Variants in SEMA3C observed in about 807,000 individuals in gnomAD.
SEMA3C encodes semaphorin-3C.
In SEMA3C, 47 loss-of-function variants were observed where a neutral mutation model predicts 89.4. The ratio of observed to expected loss-of-function variants is 0.53; its 90% confidence interval spans 0.42 to 0.67. SEMA3C has a LOEUF of 0.67. Ranked by LOEUF, SEMA3C falls within the 30% of genes least tolerant of loss-of-function variation. The probability of loss-of-function intolerance (pLI) is 0.00; values close to 1 mark genes in which losing one functional copy is unlikely to be tolerated. For missense variants in SEMA3C, 839 were observed against 929.1 expected, an observed-to-expected ratio of 0.90 and a Z score of 1.26; for synonymous variants, 310 against 320.2, an observed-to-expected ratio of 0.97 and a Z score of 0.34.
intron 2 of SEMA3C, among the ~76,000 whole-genome samples, chr7:80,903,705 T>C (rs894648157): frequency 2.0e-5 from 3 of 152,176 alleles, no homozygotes; most frequent in Non-Finnish European, 4.4e-5. Context: ...ATAATACATG[T>C]GGTCCTTCTC....
At chr7:80,889,879 G>A (rs566357339) in intron 2 of SEMA3C, among the ~76,000 whole-genome samples, 2 of 152,224 alleles carry the variant, frequency 1.3e-5, no homozygotes, top group South Asian at 2.1e-4. Flanking sequence ...AGATGTGGGC[G>A]ATCAATCATT....
intron 14 of SEMA3C, among the ~76,000 whole-genome samples, chr7:80,759,269 T>A (rs1185595433): frequency 6.6e-6 from 1 of 152,170 alleles, no homozygotes; most frequent in African/African-American, 2.4e-5. Flanking sequence ...CTGATATAAC[T>A]CAAGTTAGCA....
chr7:80,835,602 A>T (rs1042497615), intron 2 of SEMA3C, among the ~76,000 whole-genome samples: 2 of 152,170 alleles, frequency 1.3e-5, no homozygotes, highest in Non-Finnish European at 2.9e-5. Flanking sequence ...AAAAAAAAAT[A>T]AAGAGCAGTG....
chr7:80,756,840 G>A (rs1035799665), intron 15 of SEMA3C, among the ~76,000 whole-genome samples: 6 of 151,978 alleles, frequency 3.9e-5, no homozygotes, highest in African/African-American at 9.7e-5. Context: ...TTAACATCAC[G>A]ACCTCCTGCT....
chr7:80,888,509 C>A (rs192851305), intron 2 of SEMA3C, among the ~76,000 whole-genome samples: 337 of 152,186 alleles, frequency 2.2e-3, no homozygotes, highest in African/African-American at 7.6e-3. Flanking sequence ...ATGGTTCTTA[C>A]AAGGTTGTTG....
intron 2 of SEMA3C, among the ~76,000 whole-genome samples, chr7:80,889,868 C>T (rs1171150677): frequency 1.3e-5 from 2 of 152,136 alleles, no homozygotes; most frequent in Non-Finnish European, 2.9e-5. Flanking sequence ...CAGATGGAGT[C>T]AGATGTGGGC....
At chr7:80,857,396 A>G (rs1790667045) in intron 2 of SEMA3C, among the ~76,000 whole-genome samples, 1 of 152,220 alleles carries the variant, frequency 6.6e-6, no homozygotes, top group African/African-American at 2.4e-5. Context: ...AGTTTTAAAA[A>G]GGCAAGAAAT....
chr7:80,861,181 G>A (rs1790762737), intron 2 of SEMA3C, among the ~76,000 whole-genome samples: 3 of 152,066 alleles, frequency 2.0e-5, no homozygotes, highest in South Asian at 2.1e-4. Flanking sequence ...GAAAAACTTC[G>A]ATTATTAAGA....
intron 15 of SEMA3C, among the ~76,000 whole-genome samples, chr7:80,754,345 C>G (rs554125962): frequency 6.6e-6 from 1 of 152,112 alleles, no homozygotes; most frequent in African/African-American, 2.4e-5. Flanking sequence ...AACTGTATTT[C>G]TCTGTTTGTA....
chr7:80,836,829 C>T (rs1212021177), intron 2 of SEMA3C, among the ~76,000 whole-genome samples: 1 of 152,294 alleles, frequency 6.6e-6, no homozygotes, highest in African/African-American at 2.4e-5. Flanking sequence ...TTGCCCCAGA[C>T]AGCCCCAGAT....
intron 2 of SEMA3C, among the ~76,000 whole-genome samples, chr7:80,902,625 A>C (rs1339378368): frequency 6.6e-6 from 1 of 152,204 alleles, no homozygotes; most frequent in Non-Finnish European, 1.5e-5. Context: ...AACTAACATC[A>C]ATGATTCATT....
At chr7:80,906,677 T>C (rs1448177674) in intron 2 of SEMA3C, among the ~76,000 whole-genome samples, 1 of 152,212 alleles carries the variant, frequency 6.6e-6, no homozygotes, top group Non-Finnish European at 1.5e-5. Context: ...GAATACATTA[T>C]CAGAAGAGTA....
At chr7:80,922,242 TAA>T, upstream of SEMA3C, 1 of 1,287,526 alleles carries the variant, frequency 7.8e-7, no homozygotes, top group Non-Finnish European at 1.0e-6. Context: ...GGTTTTTCAA[TAA>T]GTTTCAATAC....
chr7:80,912,396 C>T (rs1792174081), intron 2 of SEMA3C, among the ~76,000 whole-genome samples: 1 of 152,242 alleles, frequency 6.6e-6, no homozygotes, highest in Middle Eastern at 3.4e-3. Context: ...CTTAGCAATT[C>T]TTCTCATCTT....
intron 5 of SEMA3C, among the ~76,000 whole-genome samples, chr7:80,817,342 C>T (rs1332345744): frequency 5.3e-5 from 8 of 151,904 alleles, no homozygotes; most frequent in Admixed American, 3.3e-4. Context: ...GATCAGTAGA[C>T]ATATTTATTT....
chr7:80,838,212 T>C (rs560900812), intron 2 of SEMA3C, among the ~76,000 whole-genome samples: 1 of 152,232 alleles, frequency 6.6e-6, no homozygotes, highest in East Asian at 1.9e-4. Flanking sequence ...GTTAAATTTT[T>C]AGTTTCACCT....
intron 16 of SEMA3C, 43 bp from the exon 17 acceptor site, chr7:80,749,071 AACTGAATTTAGAGCAC>A (rs1787866356): frequency 6.4e-7 from 1 of 1,550,516 alleles, no homozygotes; most frequent in Admixed American, 2.0e-5. Context: ...GAAAGAACAC[AACTGAATTTAGAGCAC>A]ATTCTCCTGT....
At chr7:80,822,415 A>AT (rs1199522737) in intron 4 of SEMA3C, among the ~76,000 whole-genome samples, 5 of 125,140 alleles carry the variant, frequency 4.0e-5, no homozygotes, top group East Asian at 2.6e-4. Context: ...ATAAATAAAA[A>AT]TAAAAAAAAA....
chr7:80,862,563 T>C (rs1453581152), intron 2 of SEMA3C, among the ~76,000 whole-genome samples: 1 of 152,000 alleles, frequency 6.6e-6, no homozygotes, highest in African/African-American at 2.4e-5. Flanking sequence ...AATACCACCA[T>C]CATTCTTCAC....
Sources: gnomAD v4.1 joint callset for allele counts (sites outside exome capture counted in the v4.1 genomes callset) on GRCh38, gnomAD v4.1.1 for gene constraint, MANE v1.5 for transcripts, NCBI Gene and HGNC (gene_info 2026-07-23, HGNC 2026-07-21) for gene names.